The following GPC6 variants were observed in gnomAD, a reference collection of about 807,000 sequenced individuals.
GPC6 encodes glypican 6, also known as glypican-6.
A neutral mutation model predicts 55.2 loss-of-function variants in GPC6; 14 were observed. The observed-to-expected ratio is 0.25, with a 90% CI of 0.17 to 0.40. The LOEUF (loss-of-function observed/expected upper bound fraction) is 0.40, where lower values mean the gene tolerates loss of function less well. Among genes scored for constraint, GPC6 ranks in the 10% least tolerant of loss-of-function variants. GPC6 has a pLI of 1.00. For synonymous variants in GPC6, 278 were observed against 259.6 expected, an observed-to-expected ratio of 1.07 and a Z score of -0.68; for missense variants, 641 against 708.5, an observed-to-expected ratio of 0.90 and a Z score of 1.08.
chr13:94,164,124 A>G (rs902727006), intron 4 of GPC6, among the ~76,000 whole-genome samples: 1 of 152,238 alleles, frequency 6.6e-6, no homozygotes, highest in Non-Finnish European at 1.5e-5. Context: ...TAACTTCATC[A>G]CATACCAACA....
At chr13:93,411,533 A>G (rs1242840959) in intron 1 of GPC6, among the ~76,000 whole-genome samples, 2 of 152,196 alleles carry the variant, frequency 1.3e-5, no homozygotes, top group African/African-American at 4.8e-5. Context: ...AGCACAGCAC[A>G]TTCTGTGGTT....
intron 1 of GPC6, among the ~76,000 whole-genome samples, chr13:93,331,293 T>A (rs1315510300): frequency 6.6e-6 from 1 of 152,118 alleles, no homozygotes; most frequent in Admixed American, 6.5e-5. Context: ...AAAGGAATTG[T>A]ACTTATCTTT....
chr13:93,816,348 A>G (rs1165189859), intron 2 of GPC6, among the ~76,000 whole-genome samples: 2 of 152,176 alleles, frequency 1.3e-5, no homozygotes, highest in African/African-American at 2.4e-5. Context: ...TTTTATAGAC[A>G]GCACGCTGTG....
At chr13:93,240,150 G>A (rs2139014137) in intron 1 of GPC6, among the ~76,000 whole-genome samples, 1 of 152,134 alleles carries the variant, frequency 6.6e-6, no homozygotes, top group South Asian at 2.1e-4. Context: ...AGGTCCATTT[G>A]TCCTAGAATC....
At chr13:94,119,168 T>C (rs1886538725) in intron 4 of GPC6, among the ~76,000 whole-genome samples, 1 of 152,078 alleles carries the variant, frequency 6.6e-6, no homozygotes, top group Non-Finnish European at 1.5e-5. Context: ...GCACCTACTA[T>C]ATGCAAGCCA....
intron 4 of GPC6, among the ~76,000 whole-genome samples, chr13:94,111,633 C>A (rs1886253373): frequency 6.6e-6 from 1 of 151,824 alleles, no homozygotes; most frequent in African/African-American, 2.4e-5. Flanking sequence ...TCTGTCTTTC[C>A]TTTCTTCTTC....
At chr13:93,569,157 G>A (rs1384197140) in intron 2 of GPC6, among the ~76,000 whole-genome samples, 1 of 152,078 alleles carries the variant, frequency 6.6e-6, no homozygotes, top group Non-Finnish European at 1.5e-5. Context: ...TACCATAATT[G>A]TAGACCTGAA....
intron 1 of GPC6, among the ~76,000 whole-genome samples, chr13:93,432,428 G>A (rs1877396941): frequency 6.6e-6 from 1 of 152,126 alleles, no homozygotes; most frequent in Non-Finnish European, 1.5e-5. Context: ...GCCATGAAGG[G>A]TGCAGATGGT....
chr13:93,497,345 AG>A (rs1880343217), intron 1 of GPC6, among the ~76,000 whole-genome samples: 1 of 152,176 alleles, frequency 6.6e-6, no homozygotes, highest in Non-Finnish European at 1.5e-5. Context: ...TAGCTCAGGG[AG>A]CAGCCAGGGG....
chr13:94,075,076 G>A (rs898113681), intron 4 of GPC6, among the ~76,000 whole-genome samples: 32 of 151,966 alleles, frequency 2.1e-4, no homozygotes, highest in African/African-American at 7.0e-4. Context: ...CAACACATGG[G>A]AAAAATATCT....
chr13:93,460,327 T>C (rs963207745), intron 1 of GPC6, among the ~76,000 whole-genome samples: 5 of 152,210 alleles, frequency 3.3e-5, no homozygotes, highest in Admixed American at 2.6e-4. Flanking sequence ...GGCAGTATTA[T>C]CAGTTTTTGT....
intron 4 of GPC6, among the ~76,000 whole-genome samples, chr13:94,045,856 C>T (rs1042673267): frequency 4.0e-5 from 6 of 151,806 alleles, no homozygotes; most frequent in African/African-American, 1.5e-4. Context: ...AAGAGAATGT[C>T]CATAATATTA....
At chr13:93,783,614 G>T (rs1885728992) in intron 2 of GPC6, among the ~76,000 whole-genome samples, 1 of 147,766 alleles carries the variant, frequency 6.8e-6, no homozygotes, top group African/African-American at 2.5e-5. Context: ...AAATAAGAGA[G>T]AAAGTATACA....
At chr13:93,358,973 CTCTT>C (rs1431712913) in intron 1 of GPC6, among the ~76,000 whole-genome samples, 1 of 120,552 alleles carries the variant, frequency 8.3e-6, no homozygotes, top group Admixed American at 8.7e-5. Context: ...AATTCTCTCT[CTCTT>C]TTTTTTTTTT....
intron 1 of GPC6, among the ~76,000 whole-genome samples, chr13:93,259,627 T>A (rs1430886699): frequency 1.3e-5 from 2 of 152,140 alleles, no homozygotes; most frequent in African/African-American, 2.4e-5. Flanking sequence ...CTTTTTCCAG[T>A]CAGTTTGTTA....
chr13:94,237,606 C>T (rs1890918452), intron 4 of GPC6, among the ~76,000 whole-genome samples: 1 of 152,136 alleles, frequency 6.6e-6, no homozygotes, highest in African/African-American at 2.4e-5. Context: ...AGCATTTGCC[C>T]TACACAGAGG....
chr13:93,782,325 T>C (rs944830202), intron 2 of GPC6, among the ~76,000 whole-genome samples: 1 of 152,162 alleles, frequency 6.6e-6, no homozygotes, highest in African/African-American at 2.4e-5. Flanking sequence ...TCCTTATCCA[T>C]TCATCGTTAC....
intron 4 of GPC6, among the ~76,000 whole-genome samples, chr13:94,210,195 C>T (rs987974996): frequency 2.7e-5 from 4 of 148,690 alleles, no homozygotes; most frequent in African/African-American, 1.0e-4. Context: ...CTCGCTGTGC[C>T]ACCCAGGCTG....
At chr13:93,296,229 T>C (rs1256289463) in intron 1 of GPC6, among the ~76,000 whole-genome samples, 1 of 152,210 alleles carries the variant, frequency 6.6e-6, no homozygotes, top group Non-Finnish European at 1.5e-5. Flanking sequence ...TTCTCACATC[T>C]AATTTATGAT....
Sources: gnomAD v4.1 joint callset for allele counts (sites outside exome capture counted in the v4.1 genomes callset) on GRCh38, gnomAD v4.1.1 for gene constraint, MANE v1.5 for transcripts, NCBI Gene and HGNC (gene_info 2026-07-23, HGNC 2026-07-21) for gene names.